HAUS6: variants seen among roughly 807,000 people sequenced by gnomAD.
HAUS6 encodes the protein HAUS augmin-like complex subunit 6.
In HAUS6, 80 loss-of-function variants were observed where a neutral mutation model predicts 106.8. The ratio of observed to expected loss-of-function variants is 0.75; its 90% CI spans 0.63 to 0.90. The LOEUF is 0.90. HAUS6 is among the 40% of genes least tolerant of loss of function. The pLI is 0.00. For synonymous variants in HAUS6, 356 were observed against 379.1 expected, an observed-to-expected ratio of 0.94 and a Z score of 0.71; for missense variants, 1,155 against 1,118.1, an observed-to-expected ratio of 1.03 and a Z score of -0.47.
chr9:19,081,504 A>G (rs1306725191), intron 8 of HAUS6, among the ~76,000 whole-genome samples: 1 of 151,930 alleles, frequency 6.6e-6, no homozygotes, highest in African/African-American at 2.4e-5. Flanking sequence ...CAGTGGCTCA[A>G]TCTTGGCTCA....
chr9:19,097,901 A>G (rs567316021), intron 1 of HAUS6, among the ~76,000 whole-genome samples: 1 of 152,214 alleles, frequency 6.6e-6, no homozygotes, highest in Non-Finnish European at 1.5e-5. Context: ...AAATCAAGTG[A>G]ATTTCTGACT....
intron 1 of HAUS6, 34 bp from the exon 2 acceptor site, chr9:19,096,803 G>C (rs750344314): frequency 2.9e-6 from 3 of 1,032,370 alleles, no homozygotes; most frequent in East Asian, 5.1e-5. Flanking sequence ...AATAGAAAAA[G>C]AAAAAGGTTA....
In HAUS6 at chr9:19,082,850, C is replaced by G. The variant is rs1322279352; in HGVS notation, c.870+23G>C. On this transcript the variant is annotated intron_variant, in intron 8 of 16. Transcript: ENST00000380502. ...TACATGATAGGAGTTTTCTCAAAAG[C>G]TTCCTTAATATCAAATGCTTACCTG... is the stretch of plus-strand genomic sequence containing the variant. The G allele has an allele frequency of 3.0e-6, 4 of 1,314,808 alleles. No homozygotes were observed. The South Asian group carries it at 5.2e-5, about 17-fold the overall frequency. The allele number at this position is 1,314,808 out of a possible 1,614,324, so 81.4% of individuals were successfully genotyped here.
intron 1 of HAUS6, 41 bp from the exon 2 acceptor site, chr9:19,096,810 G>T: frequency 1.1e-6 from 1 of 933,664 alleles, no homozygotes. Context: ...AAAGAAAAAG[G>T]TTAATAAGCT....
chr9:19,060,256 T>G, intron 14 of HAUS6, 33 bp from the exon 15 acceptor site: 11 of 1,481,734 alleles, frequency 7.4e-6, no homozygotes, highest in Non-Finnish European at 9.8e-6. Flanking sequence ...AAGCAAAGAT[T>G]ACCAAGCCCA....
chr9:19,070,212 GTT>G lies in HAUS6; in HGVS notation c.1376+5_1376+6del. 6.8e-7 allele frequency: 1 copy of G among 1,473,886 alleles called. No individual in the cohort carries two copies. Among genetic ancestry groups the G allele is most frequent in the East Asian group, 2.3e-5 (1 of 44,126 alleles). The allele number at this position is 1,473,886 out of a possible 1,614,324, so 91.3% of individuals were successfully genotyped here. A position where few individuals can be genotyped will look rare whatever the true frequency, so the allele number is the denominator to read the frequency against. ...TGTTTAACAAAAGAAAATCAAATTT[GTT>G]TTACCTGTTGGCTAGATCATGTAGC... On this transcript the variant is annotated splice_donor_5th_base_variant and intron_variant, in intron 12 of 16. Transcript: ENST00000380502.
At chr9:19,080,227 A>G (rs1368040629) in intron 9 of HAUS6, among the ~76,000 whole-genome samples, 1 of 151,506 alleles carries the variant, frequency 6.6e-6, no homozygotes, top group Non-Finnish European at 1.5e-5. Context: ...GATTAGACCC[A>G]ACAAAAGAAA....
intron 14 of HAUS6, among the ~76,000 whole-genome samples, chr9:19,061,057 G>A (rs556823363): frequency 8.5e-5 from 13 of 152,346 alleles, no homozygotes; most frequent in African/African-American, 1.2e-4. Flanking sequence ...CCAGCTACTC[G>A]GTAGGCTGCA....
intron 16 of HAUS6, chr9:19,057,063 A>C (rs1305442895): frequency 6.6e-6 from 1 of 152,232 alleles, no homozygotes; most frequent in Non-Finnish European, 1.5e-5. Flanking sequence ...GAGAACTGTG[A>C]TTAACTCAAT....
At chr9:19,082,546 C>T (rs1361901163) in intron 8 of HAUS6, among the ~76,000 whole-genome samples, 2 of 152,034 alleles carry the variant, frequency 1.3e-5, no homozygotes, top group South Asian at 2.1e-4. Flanking sequence ...GTCAGGAGCT[C>T]GAGACCAGCC....
At chr9:19,060,669 C>T (rs140080282) in intron 14 of HAUS6, among the ~76,000 whole-genome samples, 15 of 152,322 alleles carry the variant, frequency 9.8e-5, no homozygotes, top group Non-Finnish European at 1.6e-4. Context: ...ATTCTGACAA[C>T]ATACCTCTTC....
Position 19,093,183 on chromosome 9 carries a change from A to G in HAUS6, c.424T>C (p.Ser142Pro). The G allele has an allele frequency of 1.3e-6, 2 of 1,570,406 alleles. No individual in the cohort carries two copies. The highest frequency in any genetic ancestry group is 1.7e-6 in the Non-Finnish European group (2 of 1,151,942). The change falls in exon 4 of 17, where the codon TCC (serine) becomes CCC (proline). Residue 142 changes from serine to proline, a missense_variant. Ser to Pro is a moderately conservative substitution (Grantham distance 74). This residue lies in a region of HAUS6 where 761 missense variants were observed against 690.0 expected (regional missense o/e 1.10). Coordinates refer to ENST00000380502, the MANE Select transcript of HAUS6 (RefSeq NM_017645.5). ...AAGTTGAACTTACTTTTAGAATTGG[A>G]TTTAATATATTTCATTGCAACAAAT... ...ARFVAMKYIKSNSKNSSHHFV... is the reference protein window; with the variant it reads ...ARFVAMKYIKPNSKNSSHHFV...
rs146737939 is a variant in HAUS6, at chr9:19,102,234, C to T, written c.128+290G>A. 2.6e-4 allele frequency among the ~76,000 whole-genome samples: 39 copies of T among 152,326 alleles called. 1 individual carries two copies. The East Asian group carries it at 6.9e-3, about 27-fold the overall frequency. On this transcript the variant is annotated intron_variant, in intron 1 of 16. Coordinates refer to ENST00000380502, the MANE Select transcript of HAUS6 (RefSeq NM_017645.5). ...ATCCCTCCCACTACTTCACAGACCA[C>T]CCCTCCACCACATAGGCAGAGTTAA...
chr9:19,084,051 C>CAAAAAAAAAAAA, intron 7 of HAUS6, among the ~76,000 whole-genome samples: 1 of 100,440 alleles, frequency 1.0e-5, no homozygotes, highest in Non-Finnish European at 2.1e-5. Context: ...AGGATCCTTG[C>CAAAAAAAAAAAA]AAAAAAAAAA....
rs1817892889 is a variant in HAUS6, at chr9:19,097,668, T to G, written c.129-899A>C. Among the ~76,000 whole-genome samples, 3 of 151,744 alleles carry G rather than the reference T, an allele frequency of 2.0e-5. No homozygotes were observed. The South Asian group carries it at 6.2e-4, about 31-fold the overall frequency. ...TGTCACCTCACCCTAGAGTCCAGGGTCTTCACTACTAGATTTTTATTTCCA... is the reference window on the plus strand; with the variant it reads ...TGTCACCTCACCCTAGAGTCCAGGGGCTTCACTACTAGATTTTTATTTCCA... On this transcript the variant is annotated intron_variant, in intron 1 of 16. Coordinates refer to ENST00000380502, the MANE Select transcript of HAUS6 (RefSeq NM_017645.5).
At chr9:19,089,772 C>G in intron 4 of HAUS6, 1 of 535,136 alleles carries the variant, frequency 1.9e-6, no homozygotes, top group Non-Finnish European at 3.3e-6. Flanking sequence ...CATCACGTAA[C>G]TAACAACTCC....
At chr9:19,070,388 A>C in intron 11 of HAUS6, 88 bp from the exon 12 acceptor site, 1 of 729,916 alleles carries the variant, frequency 1.4e-6, no homozygotes, top group Non-Finnish European at 2.3e-6. Context: ...AACAACTTGT[A>C]AACAGAAGAA....
In HAUS6 at chr9:19,059,991, C is replaced by A. The variant is rs574948756; in HGVS notation, c.1765+97G>T. On this transcript the variant is annotated intron_variant, in intron 15 of 16. Coordinates refer to ENST00000380502, the MANE Select transcript of HAUS6 (RefSeq NM_017645.5). Reference sequence around the variant, plus strand: ...CGATTACAACAGCATAAATAAACAGCCTTTGGCAACTCAGCTAAAAAGATC... The same window carrying A: ...CGATTACAACAGCATAAATAAACAGACTTTGGCAACTCAGCTAAAAAGATC... The A allele has an allele frequency of 5.7e-5, 51 of 897,034 alleles. No homozygotes were observed. The South Asian group carries it at 8.2e-4, about 14-fold the overall frequency. The allele number at this position is 897,034 out of a possible 1,614,324, so 55.6% of individuals were successfully genotyped here.
At chr9:19,079,405 C>G (rs1205479471) in intron 9 of HAUS6, among the ~76,000 whole-genome samples, 1 of 150,996 alleles carries the variant, frequency 6.6e-6, no homozygotes, top group Non-Finnish European at 1.5e-5. Flanking sequence ...CTAATTGTGT[C>G]TTTTTGGTAG....
Sources: allele counts gnomAD v4.1 joint callset (sites outside exome capture counted in the v4.1 genomes callset), GRCh38; gene constraint gnomAD v4.1.1; regional missense constraint gnomAD v4.1.1; transcripts MANE v1.5; gene names NCBI Gene and HGNC (gene_info 2026-07-23, HGNC 2026-07-21).